The following ITGA9 variants were observed in gnomAD, a reference collection of about 807,000 sequenced individuals.
ITGA9 encodes integrin alpha-9.
In ITGA9, 56 loss-of-function variants were observed where a neutral mutation model predicts 127.8. The ratio of observed to expected loss-of-function variants is 0.44; its 90% CI spans 0.35 to 0.55. ITGA9 has a LOEUF of 0.55. ITGA9 is among the 20% of genes least tolerant of loss of function. The pLI, the probability that ITGA9 is intolerant of heterozygous loss-of-function variation, is 0.00. For synonymous variants in ITGA9, 508 were observed against 514.5 expected (o/e 0.99, Z 0.17); for missense variants, 1,196 against 1,347.1 (o/e 0.89, Z 1.76).
At chr3:37,619,255 AG>A (rs1165208423) in intron 15 of ITGA9, among the ~76,000 whole-genome samples, 1 of 152,118 alleles carries the variant, frequency 6.6e-6, no homozygotes, top group Non-Finnish European at 1.5e-5. Flanking sequence ...CTGGAGTGCT[AG>A]GGTGACCCTA....
At chr3:37,573,938 A>G (rs1312564438) in intron 15 of ITGA9, among the ~76,000 whole-genome samples, 2 of 152,172 alleles carry the variant, frequency 1.3e-5, no homozygotes, top group African/African-American at 4.8e-5. Context: ...GCTCTTCTGG[A>G]TAATCACTTC....
At chr3:37,486,670 C>G (rs1698613420) in intron 4 of ITGA9, among the ~76,000 whole-genome samples, 1 of 152,148 alleles carries the variant, frequency 6.6e-6, no homozygotes, top group Admixed American at 6.5e-5. Context: ...GAGCCCTTGG[C>G]AAGTTATAAT....
intron 1 of ITGA9, among the ~76,000 whole-genome samples, chr3:37,454,438 G>A (rs1178107104): frequency 3.3e-5 from 5 of 152,216 alleles, no homozygotes; most frequent in Non-Finnish European, 7.3e-5. Context: ...CCTTCAGCTT[G>A]GTACCCAGGG....
At chr3:37,725,722 G>A (rs779081759) in intron 18 of ITGA9, among the ~76,000 whole-genome samples, 21 of 152,334 alleles carry the variant, frequency 1.4e-4, no homozygotes, top group South Asian at 1.2e-3. Context: ...CCATTACTAA[G>A]TAGAGGCTAT....
Position 37,454,463 on chromosome 3 carries a change from T to C in ITGA9, c.185+1904T>C, listed in dbSNP as rs549286196. Among the ~76,000 whole-genome samples the C allele has an allele frequency of 4.1e-4, 62 of 151,668 alleles. 1 individual carries two copies. The highest frequency in any genetic ancestry group is 7.4e-5 in the Non-Finnish European group (5 of 67,884). On this transcript the variant is annotated intron_variant, in intron 1 of 27. Coordinates refer to ENST00000264741, the MANE Select transcript of ITGA9 (RefSeq NM_002207.3). Reference sequence around the variant, plus strand: ...GGTACCCAGGGTAAATGGTAGGGAGTGGGTGTGGAGCAGTAATGCTGTGCA... The same window carrying C: ...GGTACCCAGGGTAAATGGTAGGGAGCGGGTGTGGAGCAGTAATGCTGTGCA...
intron 13 of ITGA9, among the ~76,000 whole-genome samples, chr3:37,527,499 TC>T (rs983314427): frequency 1.3e-5 from 2 of 152,194 alleles, no homozygotes; most frequent in Non-Finnish European, 2.9e-5. Flanking sequence ...GGCAATTGTG[TC>T]CCCCAAGTGG....
At chr3:37,792,311 C>CCACG (rs548524611) in intron 26 of ITGA9, among the ~76,000 whole-genome samples, 141 of 152,350 alleles carry the variant, frequency 9.3e-4, no homozygotes, top group Non-Finnish European at 1.8e-3. Flanking sequence ...GAGACATGAT[C>CCACG]CGTGCCCTCC....
chr3:37,732,971 G>T (rs866250975), intron 19 of ITGA9, 173 bp downstream of exon 19: 18 of 665,788 alleles, frequency 2.7e-5, no homozygotes, highest in Middle Eastern at 5.8e-4. Flanking sequence ...GTACACCGGG[G>T]TATACTCCGG....
intron 15 of ITGA9, among the ~76,000 whole-genome samples, chr3:37,562,221 C>T (rs1044997224): frequency 1.3e-5 from 2 of 152,158 alleles, no homozygotes; most frequent in Non-Finnish European, 2.9e-5. Context: ...CTTTCTTAGG[C>T]TGAACCAGAG....
At chr3:37,789,351 T>C (rs1286508637) in intron 26 of ITGA9, among the ~76,000 whole-genome samples, 1 of 152,196 alleles carries the variant, frequency 6.6e-6, no homozygotes, top group Non-Finnish European at 1.5e-5. Context: ...AAGGTGCAGA[T>C]GTACTGATTA....
At position 37,819,275 on chromosome 3, in the gene ITGA9, G is replaced by A. The variant is rs1267749329; in HGVS notation, c.*286G>A. Reference sequence around the variant, plus strand: ...TGCAACACGCATGGTCAACCCTCAGGGGAAAACTGTTACCTAAAGTATTTT... The same window carrying A: ...TGCAACACGCATGGTCAACCCTCAGAGGAAAACTGTTACCTAAAGTATTTT... On this transcript the variant is annotated 3_prime_UTR_variant, in exon 28 of 28. Transcript: ENST00000264741. The A allele has an allele frequency of 6.2e-6, 3 of 480,656 alleles. No individual in the cohort carries two copies. The highest frequency in any genetic ancestry group is 1.1e-5 in the Non-Finnish European group (3 of 267,214). 29.8% of individuals were successfully genotyped at this position (480,656 alleles called of 1,614,324 possible).
chr3:37,546,125 A>G (rs563418192), intron 15 of ITGA9, among the ~76,000 whole-genome samples: 1 of 152,298 alleles, frequency 6.6e-6, no homozygotes, highest in Non-Finnish European at 1.5e-5. Context: ...CCTTTCTATA[A>G]GCAGAAAACC....
intron 15 of ITGA9, among the ~76,000 whole-genome samples, chr3:37,586,308 G>A (rs576803488): frequency 6.6e-6 from 1 of 152,288 alleles, no homozygotes; most frequent in Non-Finnish European, 1.5e-5. Context: ...ATGACTTCTT[G>A]ATAAGATTCT....
intron 15 of ITGA9, among the ~76,000 whole-genome samples, chr3:37,609,141 G>A (rs977352730): frequency 2.6e-5 from 4 of 151,904 alleles, no homozygotes; most frequent in African/African-American, 7.3e-5. Context: ...ATGCTTGCCC[G>A]CCTCTTCCAT....
intron 18 of ITGA9, among the ~76,000 whole-genome samples, chr3:37,696,741 C>G (rs1017719729): frequency 6.6e-6 from 1 of 152,212 alleles, no homozygotes; most frequent in Non-Finnish European, 1.5e-5. Context: ...AATGTGGTAG[C>G]CACAGCACAA....
chr3:37,590,963 A>G (rs1699810072), intron 15 of ITGA9, among the ~76,000 whole-genome samples: 1 of 152,180 alleles, frequency 6.6e-6, no homozygotes, highest in South Asian at 2.1e-4. Context: ...AGGGTGGCTC[A>G]GATGCAGGAA....
chr3:37,494,437 C>G (rs1698705686), intron 4 of ITGA9, 64 bp from the exon 5 acceptor site: 2 of 1,215,942 alleles, frequency 1.6e-6, no homozygotes, highest in Non-Finnish European at 2.4e-6. Context: ...TCTGCTGGCT[C>G]CACGCACAGC....
At chr3:37,668,207 C>T (rs1181850475) in intron 17 of ITGA9, among the ~76,000 whole-genome samples, 1 of 152,096 alleles carries the variant, frequency 6.6e-6, no homozygotes, top group East Asian at 1.9e-4. Flanking sequence ...TGGGGATGCT[C>T]AGAGGGACAG....
chr3:37,612,104 T>G (rs1353544138), intron 15 of ITGA9, among the ~76,000 whole-genome samples: 1 of 152,142 alleles, frequency 6.6e-6, no homozygotes, highest in Non-Finnish European at 1.5e-5. Flanking sequence ...CTATGAAGAC[T>G]GAAACAACAT....
Sources: gnomAD v4.1 joint callset for allele counts (sites outside exome capture counted in the v4.1 genomes callset) on GRCh38, gnomAD v4.1.1 for gene constraint, MANE v1.5 for transcripts, NCBI Gene and HGNC (gene_info 2026-07-23, HGNC 2026-07-21) for gene names.